SORCS2: variants seen among roughly 807,000 people sequenced by gnomAD.
The protein encoded by SORCS2 is sortilin related VPS10 domain containing receptor 2.
In SORCS2, 100 loss-of-function variants were observed where a neutral mutation model predicts 141.6. The observed-to-expected ratio is 0.71, with a 90% confidence interval of 0.60 to 0.83. The LOEUF (loss-of-function observed/expected upper bound fraction) is 0.83, where lower values mean the gene tolerates loss of function less well. SORCS2 is among the 40% of genes least tolerant of loss of function. The pLI is 0.00. For missense variants in SORCS2, 1,646 were observed against 1,560.2 expected (o/e 1.05, Z -0.93); for synonymous variants, 789 against 676.9 (o/e 1.17, Z -2.57).
chr4:7,605,109 G>A (rs1717979500), intron 3 of SORCS2, among the ~76,000 whole-genome samples: 1 of 152,214 alleles, frequency 6.6e-6, no homozygotes, highest in Non-Finnish European at 1.5e-5. Context: ...TCCTTCGTGT[G>A]AGGGATCCAT....
At chr4:7,653,559 T>G (rs923632218) in intron 4 of SORCS2, among the ~76,000 whole-genome samples, 1 of 152,160 alleles carries the variant, frequency 6.6e-6, no homozygotes, top group Non-Finnish European at 1.5e-5. Context: ...ACACAATTAT[T>G]AAGAAGTTCA....
At chr4:7,195,924 C>T (rs1038428116) in intron 1 of SORCS2, among the ~76,000 whole-genome samples, 3 of 152,166 alleles carry the variant, frequency 2.0e-5, no homozygotes, top group Middle Eastern at 3.2e-3. Context: ...GAACAGAGAG[C>T]GTGTTTACTT....
intron 2 of SORCS2, among the ~76,000 whole-genome samples, chr4:7,527,944 T>C (rs1733799273): frequency 6.6e-6 from 1 of 152,120 alleles, no homozygotes; most frequent in Non-Finnish European, 1.5e-5. Context: ...ATGTTCCCCT[T>C]AGCGTCTCCC....
At chr4:7,403,144 T>C (rs1432923353) in intron 2 of SORCS2, among the ~76,000 whole-genome samples, 1 of 152,216 alleles carries the variant, frequency 6.6e-6, no homozygotes, top group African/African-American at 2.4e-5. Flanking sequence ...ATTAGTCAGC[T>C]ATATGGCAAT....
At chr4:7,244,453 G>A (rs1019581306) in intron 1 of SORCS2, among the ~76,000 whole-genome samples, 5 of 152,356 alleles carry the variant, frequency 3.3e-5, no homozygotes, top group African/African-American at 1.2e-4. Context: ...CACCACACCC[G>A]CTGCTCCGTC....
intron 23 of SORCS2, among the ~76,000 whole-genome samples, chr4:7,730,623 A>G (rs1225333208): frequency 1.3e-5 from 2 of 152,234 alleles, no homozygotes; most frequent in African/African-American, 4.8e-5. Context: ...GCTAAGTGAA[A>G]GAGGCCAGTT....
intron 2 of SORCS2, among the ~76,000 whole-genome samples, chr4:7,408,075 T>C (rs1214881297): frequency 6.6e-6 from 1 of 152,188 alleles, no homozygotes; most frequent in East Asian, 1.9e-4. Context: ...ATGTATCTTC[T>C]GGGCTTCATA....
chr4:7,692,030 T>A (rs578138334), intron 11 of SORCS2, among the ~76,000 whole-genome samples: 97 of 152,042 alleles, frequency 6.4e-4, no homozygotes, highest in African/African-American at 2.0e-3. Context: ...AGACTACACT[T>A]CTATTTTATC....
rs112352830 is a variant in SORCS2 at position 7,468,626 on chromosome 4, A to G, written c.549-62904A>G. On this transcript the variant is annotated intron_variant, in intron 2 of 26. Coordinates refer to ENST00000507866, the MANE Select transcript of SORCS2 (RefSeq NM_020777.3). ...AGCGTTCTTGTGCTTTCACAGTGCA[A>G]CAGCAAGGCCTGGCATGGCGCTTCA... is the stretch of plus-strand genomic sequence containing the variant. Among the ~76,000 whole-genome samples, 71 of 152,354 alleles carry G rather than the reference A, an allele frequency of 4.7e-4. 1 individual carries two copies. The highest frequency in any genetic ancestry group is 1.7e-3 in the African/African-American group (69 of 41,572).
chr4:7,718,543 T>C (rs1005823531), intron 18 of SORCS2, among the ~76,000 whole-genome samples: 7 of 152,224 alleles, frequency 4.6e-5, no homozygotes, highest in African/African-American at 1.7e-4. Flanking sequence ...TTTTAAAGCC[T>C]GTAATTATAT....
rs73210422 is a variant in SORCS2 at position 7,355,612 on chromosome 4, G to A, written c.481-40676G>A. On this transcript the variant is annotated intron_variant, in intron 1 of 26. Transcript: ENST00000507866. Reference sequence around the variant, plus strand: ...TGTGTGGGTCCGAGGGAGAGAGCACGGAGGGCTGAGGAGGTTTGCAACAAG... The same window carrying A: ...TGTGTGGGTCCGAGGGAGAGAGCACAGAGGGCTGAGGAGGTTTGCAACAAG... Among the ~76,000 whole-genome samples the A allele has an allele frequency of 5.5e-3, 842 of 152,218 alleles. 5 individuals carry two copies. The highest frequency in any genetic ancestry group is 9.6e-3 in the Non-Finnish European group (650 of 68,002).
chr4:7,387,595 A>G (rs199534858), intron 1 of SORCS2, among the ~76,000 whole-genome samples: 1,158 of 90,070 alleles, frequency 0.013, 2 homozygotes, highest in African/African-American at 0.042. Context: ...ACAGGTACAC[A>G]GAGAAACGCA....
intron 2 of SORCS2, among the ~76,000 whole-genome samples, chr4:7,525,002 C>T (rs1457351268): frequency 2.6e-5 from 4 of 152,248 alleles, no homozygotes; most frequent in African/African-American, 7.2e-5. Flanking sequence ...GAGCTTAACT[C>T]GGGTCCTCCT....
chr4:7,644,068 A>G (rs1720902898), intron 4 of SORCS2, among the ~76,000 whole-genome samples: 1 of 152,194 alleles, frequency 6.6e-6, no homozygotes, highest in South Asian at 2.1e-4. Flanking sequence ...AAAGGGATTT[A>G]ACAGGAGGGA....
At chr4:7,577,631 C>T (rs1305719814) in intron 3 of SORCS2, among the ~76,000 whole-genome samples, 2 of 141,238 alleles carry the variant, frequency 1.4e-5, no homozygotes, top group Admixed American at 1.4e-4. Context: ...AGCATACAGG[C>T]GAAGTCAGCT....
chr4:7,639,939 GTGTT>G (rs368926400), intron 4 of SORCS2, among the ~76,000 whole-genome samples: 112,010 of 150,826 alleles, frequency 0.74, 43,170 homozygotes, highest in East Asian at 0.95. Flanking sequence ...GAATATGTCT[GTGTT>G]TGTGAGAATG....
rs1720739992 is a variant in SORCS2 at position 7,641,773 on chromosome 4, GATAA to G, written c.813+3284_813+3287del. On this transcript the variant is annotated intron_variant, in intron 4 of 26. Coordinates refer to ENST00000507866, the MANE Select transcript of SORCS2 (RefSeq NM_020777.3). Reference sequence around the variant, plus strand: ...TAGATGTATAGATGATGGATGGATGGATAAATGGATGGATGGATGGATGGATGGA... The same window carrying G: ...TAGATGTATAGATGATGGATGGATGGATGGATGGATGGATGGATGGATGGA... Among the ~76,000 whole-genome samples, 3 of 134,120 alleles carry G rather than the reference GATAA, an allele frequency of 2.2e-5. No homozygotes were observed. In the South Asian group the frequency reaches 8.5e-4, roughly 38 times the overall value. 88.0% of individuals were successfully genotyped at this position (134,120 alleles called of 152,430 possible).
chr4:7,528,572 C>T (rs2109535493), intron 2 of SORCS2, among the ~76,000 whole-genome samples: 1 of 152,152 alleles, frequency 6.6e-6, no homozygotes, highest in Admixed American at 6.5e-5. Context: ...ATTACAGGCG[C>T]CTGCCACCTC....
intron 1 of SORCS2, among the ~76,000 whole-genome samples, chr4:7,386,202 T>G (rs569507652): frequency 0.05 from 5,500 of 109,186 alleles, 312 homozygotes; most frequent in African/African-American, 0.087. Context: ...CACATACACA[T>G]TTGCACACAC....
Sources: gnomAD v4.1 joint callset for allele counts (sites outside exome capture counted in the v4.1 genomes callset) on GRCh38, gnomAD v4.1.1 for gene constraint, MANE v1.5 for transcripts, NCBI Gene and HGNC (gene_info 2026-07-23, HGNC 2026-07-21) for gene names.